Variants in DNAI2 observed in about 807,000 individuals in gnomAD.
The protein encoded by DNAI2 is dynein, axonemal, intermediate polypeptide 2.
In DNAI2, 63 loss-of-function variants were observed where a neutral mutation model predicts 74.7. That is an observed-to-expected ratio of 0.84 (90% CI 0.69 to 1.04). DNAI2 has a LOEUF of 1.04. DNAI2 is among the 50% of genes least tolerant of loss of function. DNAI2 has a pLI of 0.00. For missense variants in DNAI2, 688 were observed against 803.2 expected (o/e 0.86, Z 1.73); for synonymous variants, 289 against 314.9 (o/e 0.92, Z 0.87).
At chr17:74,281,649 G>T in intron 1 of DNAI2, 158 bp from the exon 2 acceptor site, 1 of 662,598 alleles carries the variant, frequency 1.5e-6, no homozygotes, top group Non-Finnish European at 2.6e-6. Flanking sequence ...TTTTTTTAAT[G>T]CGGATGCAGC....
In DNAI2 at chr17:74,313,926, C is replaced by T. The variant is rs143196175; in HGVS notation, c.1723-195C>T. The stretch of plus-strand genomic sequence containing the variant: ...GGCGTGAACCCAAGTCTGCCAGATT[C>T]CCCCAGCTCTGCCCACTTTCCGCAC... On this transcript the variant is annotated intron_variant, in intron 12 of 13. Transcript: ENST00000311014. 2.6e-3 allele frequency: 1,950 copies of T among 749,662 alleles called. 18 individuals carry two copies. Among genetic ancestry groups the T allele is most frequent in the East Asian group, 0.019 (650 of 33,954 alleles). The allele number at this position is 749,662 out of a possible 1,614,324, so 46.4% of individuals were successfully genotyped here. A position where few individuals can be genotyped will look rare whatever the true frequency, so the allele number is the denominator to read the frequency against.
intron 6 of DNAI2, among the ~76,000 whole-genome samples, chr17:74,293,727 A>T (rs527864510): frequency 2.6e-5 from 4 of 151,968 alleles, no homozygotes; most frequent in South Asian, 2.1e-4. Context: ...TAAAATAAAA[A>T]AATAAAGTAT....
chr17:74,305,535 A>G (rs1051548332), intron 9 of DNAI2, 93 bp downstream of exon 9: 4 of 1,183,176 alleles, frequency 3.4e-6, no homozygotes, highest in Non-Finnish European at 4.8e-6. Context: ...GAGCCTCCAT[A>G]TGTAAAATGG....
At chr17:74,303,120 G>A (rs530856600) in intron 8 of DNAI2, among the ~76,000 whole-genome samples, 151 of 152,276 alleles carry the variant, frequency 9.9e-4, no homozygotes, top group African/African-American at 3.4e-3. Flanking sequence ...TTGTGCAGTC[G>A]CCTACAACCA....
chr17:74,303,815 T>C lies in DNAI2; in HGVS notation c.988-1404T>C, dbSNP rs116915295. 3.0e-4 allele frequency among the ~76,000 whole-genome samples: 45 copies of C among 152,186 alleles called. No individual in the cohort carries two copies. In the East Asian group the frequency reaches 8.5e-3, roughly 29 times the overall value. ...ACTGCATAATAAAACAATATGTTTT[T>C]TAAAAAAATAAAAATAAAAAAGCTG... On this transcript the variant is annotated intron_variant, in intron 8 of 13. Transcript: ENST00000311014.
intron 11 of DNAI2, 84 bp downstream of exon 11, chr17:74,310,247 T>G: frequency 6.6e-7 from 1 of 1,526,018 alleles, no homozygotes; most frequent in Non-Finnish European, 8.8e-7. Context: ...GACAAATAGA[T>G]GGCCCCGCCC....
At chr17:74,296,367 AGGAG>A (rs1036067402) in intron 6 of DNAI2, among the ~76,000 whole-genome samples, 2 of 97,176 alleles carry the variant, frequency 2.1e-5, no homozygotes, top group East Asian at 2.8e-4. Context: ...GGAAGGGGGA[AGGAG>A]GGAGGGAGGG....
chr17:74,305,931 CA>C (rs2053167491), intron 9 of DNAI2, among the ~76,000 whole-genome samples: 1 of 152,180 alleles, frequency 6.6e-6, no homozygotes, highest in Non-Finnish European at 1.5e-5. Context: ...CTCGGCCTCC[CA>C]AAGCGTTGGG....
intron 8 of DNAI2, among the ~76,000 whole-genome samples, chr17:74,304,396 T>G (rs566791253): frequency 6.6e-6 from 1 of 151,988 alleles, no homozygotes; most frequent in East Asian, 1.9e-4. Context: ...CAGCTGTTCT[T>G]TCCATTTGGA....
At chr17:74,310,612 C>T (rs971122574) in intron 11 of DNAI2, among the ~76,000 whole-genome samples, 12 of 151,632 alleles carry the variant, frequency 7.9e-5, no homozygotes, top group African/African-American at 2.9e-4. Context: ...GATCTAGGCT[C>T]ACTGCAATCT....
rs1433172816 is a variant in DNAI2, at chr17:74,290,964, T to C, written c.611-56T>C. 17 of 1,514,036 alleles carry C rather than the reference T, an allele frequency of 1.1e-5. No homozygotes were observed. The East Asian group carries it at 3.6e-4, about 32-fold the overall frequency. The allele number at this position is 1,514,036 out of a possible 1,614,324, so 93.8% of individuals were successfully genotyped here. A position where few individuals can be genotyped will look rare whatever the true frequency, so the allele number is the denominator to read the frequency against. ...CACCCGCAGAAGGGGTGAAACTGGT[T>C]GATCCTGTCCTTTTCTTTCCGGGCC... On this transcript the variant is annotated intron_variant, in intron 5 of 13. Transcript: ENST00000311014.
intron 8 of DNAI2, among the ~76,000 whole-genome samples, chr17:74,303,557 G>C (rs1228787368): frequency 2.0e-5 from 3 of 151,548 alleles, no homozygotes; most frequent in Non-Finnish European, 4.4e-5. Context: ...AGCCTCTTGA[G>C]CAGCTGGGAC....
chr17:74,299,643 C>G (rs2052640740), intron 6 of DNAI2, 75 bp from the exon 7 acceptor site: 4 of 1,595,968 alleles, frequency 2.5e-6, no homozygotes, highest in South Asian at 1.1e-5. Flanking sequence ...GCAGCCCCCT[C>G]TCTCCCCTGC....
intron 3 of DNAI2, among the ~76,000 whole-genome samples, chr17:74,286,534 C>T (rs1314382551): frequency 6.6e-6 from 1 of 151,900 alleles, no homozygotes; most frequent in Non-Finnish European, 1.5e-5. Flanking sequence ...AATTCTCCTG[C>T]CTCAGCCTCC....
chr17:74,303,228 TC>T, intron 8 of DNAI2, among the ~76,000 whole-genome samples: 1 of 152,096 alleles, frequency 6.6e-6, no homozygotes, highest in East Asian at 1.9e-4. Context: ...AAGCTGGGAC[TC>T]AAACCCAGGG....
intron 9 of DNAI2, among the ~76,000 whole-genome samples, chr17:74,308,303 G>A (rs889547521): frequency 1.3e-5 from 2 of 152,116 alleles, no homozygotes; most frequent in East Asian, 1.9e-4. Flanking sequence ...AAAATGTTCC[G>A]TCTTCACTGA....
chr17:74,287,334 C>A (rs186041427), intron 4 of DNAI2, among the ~76,000 whole-genome samples: 1 of 152,176 alleles, frequency 6.6e-6, no homozygotes, highest in South Asian at 2.1e-4. Flanking sequence ...TGCCCAGCTG[C>A]GTACAGGTGG....
At chr17:74,276,516 A>T (rs956397725) in intron 1 of DNAI2, among the ~76,000 whole-genome samples, 27 of 152,112 alleles carry the variant, frequency 1.8e-4, no homozygotes, top group Non-Finnish European at 3.7e-4. Context: ...AGGTTGGGGG[A>T]GACCTCCTGA....
At chr17:74,295,614 C>A (rs529960234) in intron 6 of DNAI2, among the ~76,000 whole-genome samples, 1 of 151,624 alleles carries the variant, frequency 6.6e-6, no homozygotes, top group East Asian at 1.9e-4. Context: ...TGTGTTTGGG[C>A]CATACATTTG....
Sources: allele counts gnomAD v4.1 joint callset (sites outside exome capture counted in the v4.1 genomes callset), GRCh38; gene constraint gnomAD v4.1.1; transcripts MANE v1.5; gene names NCBI Gene and HGNC (gene_info 2026-07-23, HGNC 2026-07-21).